Variants in SSX5 observed in about 807,000 individuals in gnomAD.
The protein encoded by SSX5 is SSX family member 5, also known as protein SSX5.
SSX5 carries 14 observed loss-of-function variants against 14.9 expected under a neutral mutation model. The ratio of observed to expected loss-of-function variants is 0.94; its 90% CI spans 0.62 to 1.47. The LOEUF (loss-of-function observed/expected upper bound fraction) is 1.47. SSX5 is among the 40% of genes most tolerant of loss of function. The pLI is 0.00. For missense variants in SSX5, 204 were observed against 154.6 expected (o/e 1.32, Z -1.70); for synonymous variants, 70 against 55.4 (o/e 1.26, Z -1.17).
chrX:48,192,374 G>C, intron 4 of SSX5, 93 bp from the exon 5 acceptor site: 1 of 1,119,480 alleles, frequency 8.9e-7, no homozygotes, highest in Middle Eastern at 3.4e-4. Context: ...TGCAGCAGAG[G>C]TTATGAGTCC....
chrX:48,189,369 C>T (rs148521078), intron 6 of SSX5, among the ~76,000 whole-genome samples: 2 of 97,770 alleles, frequency 2.0e-5, no homozygotes, highest in African/African-American at 3.6e-5. Flanking sequence ...CATTCATGAA[C>T]GGAAGAGCTA....
chrX:48,187,360 T>C (rs1207954945), intron 7 of SSX5, among the ~76,000 whole-genome samples: 1 of 110,455 alleles, frequency 9.1e-6, no homozygotes, highest in Non-Finnish European at 1.9e-5. Flanking sequence ...CTGGGGAGGC[T>C]GAGGCAGGAG....
chrX:48,188,451 C>T (rs1297765120), intron 6 of SSX5, among the ~76,000 whole-genome samples: 3 of 112,205 alleles, frequency 2.7e-5, no homozygotes, highest in South Asian at 7.4e-4. Context: ...ACTATAATCA[C>T]CCTGTTGTAT....
chrX:48,195,075 A>T (rs1569442243), intron 2 of SSX5: 1 of 1,211,464 alleles, frequency 8.3e-7, no homozygotes, highest in Admixed American at 2.2e-5. Context: ...ACCTTCCAGA[A>T]CGGACTGAGA....
intron 6 of SSX5, among the ~76,000 whole-genome samples, chrX:48,189,291 T>G (rs1358252937): frequency 8.9e-6 from 1 of 112,451 alleles, no homozygotes; most frequent in Non-Finnish European, 1.9e-5. Flanking sequence ...GAGCATTGAC[T>G]TCAACTTTGA....
At chrX:48,190,715 T>C (rs2059416588) in intron 5 of SSX5, among the ~76,000 whole-genome samples, 3 of 110,355 alleles carry the variant, frequency 2.7e-5, no homozygotes, top group Non-Finnish European at 5.7e-5. Flanking sequence ...CAAGATGGTG[T>C]GGGGAGATGT....
intron 1 of SSX5, among the ~76,000 whole-genome samples, chrX:48,196,199 C>T (rs1263411024): frequency 2.7e-5 from 3 of 110,825 alleles, no homozygotes; most frequent in African/African-American, 9.9e-5. Flanking sequence ...CCAAGGTGGG[C>T]GGATCACTTG....
chrX:48,190,717 G>C (rs1231078092), intron 5 of SSX5, among the ~76,000 whole-genome samples: 1 of 111,026 alleles, frequency 9.0e-6, no homozygotes, highest in Non-Finnish European at 1.9e-5. Context: ...AGATGGTGTG[G>C]GGAGATGTAT....
chrX:48,194,353 G>A (rs1336397471), intron 3 of SSX5, 129 bp from the exon 4 acceptor site: 2 of 700,731 alleles, frequency 2.9e-6, no homozygotes, highest in South Asian at 2.3e-5. Flanking sequence ...GTTTGAGGCT[G>A]CAGTGAGCTA....
intron 4 of SSX5, among the ~76,000 whole-genome samples, chrX:48,192,910 A>G (rs1310587342): frequency 1.8e-5 from 2 of 112,279 alleles, no homozygotes; most frequent in Non-Finnish European, 3.8e-5. Flanking sequence ...CAGAAGAGCA[A>G]GTAAACACAT....
chrX:48,193,610 G>A (rs1166388985), intron 4 of SSX5, among the ~76,000 whole-genome samples: 2 of 110,771 alleles, frequency 1.8e-5, no homozygotes, highest in African/African-American at 6.6e-5. Context: ...TTAGCTGGGC[G>A]TTTGGGTGGG....
chrX:48,194,647 G>A (rs1372405459), intron 3 of SSX5, 93 bp downstream of exon 3: 13 of 985,343 alleles, frequency 1.3e-5, no homozygotes, highest in South Asian at 2.3e-5. Flanking sequence ...AAAGGAAAAC[G>A]TGGGGTACTT....
At chrX:48,188,435 T>C (rs2059407294) in intron 6 of SSX5, among the ~76,000 whole-genome samples, 1 of 112,371 alleles carries the variant, frequency 8.9e-6, no homozygotes, top group Non-Finnish European at 1.9e-5. Context: ...AATTAAGTTA[T>C]TATTGACTAT....
Position 48,186,434 on chromosome X carries a change from C to A in SSX5, c.*427G>T, listed in dbSNP as rs1569439776. 1.1e-5 allele frequency: 3 copies of A among 268,373 alleles called. No individual in the cohort carries two copies. Among genetic ancestry groups the A allele is most frequent in the Non-Finnish European group, 2.0e-5 (3 of 150,519 alleles). The allele number at this position is 268,373 out of a possible 1,213,427, so 22.1% of individuals were successfully genotyped here. On this transcript the variant is annotated 3_prime_UTR_variant, in exon 8 of 8. Coordinates refer to ENST00000347757, the MANE Select transcript of SSX5 (RefSeq NM_175723.2). ...CGCGCGCGCATGTGTGTCTGTGTGGCATGTGTGTGTGTTTGTGTAAATGCA... is the reference window on the plus strand; with the variant it reads ...CGCGCGCGCATGTGTGTCTGTGTGGAATGTGTGTGTGTTTGTGTAAATGCA...
intron 4 of SSX5, 161 bp from the exon 5 acceptor site, chrX:48,192,442 G>A (rs1356876805): frequency 2.5e-5 from 21 of 839,205 alleles, no homozygotes; most frequent in Non-Finnish European, 3.3e-5. Flanking sequence ...GTCATGGTTG[G>A]TGCATTTATC....
intron 5 of SSX5, 59 bp downstream of exon 5, chrX:48,192,173 G>T (rs1453579735): frequency 5.0e-6 from 6 of 1,200,134 alleles, no homozygotes; most frequent in Non-Finnish European, 6.8e-6. Flanking sequence ...ACTCTTACAG[G>T]GTTCACATTC....
intron 4 of SSX5, among the ~76,000 whole-genome samples, chrX:48,192,569 A>G: frequency 8.9e-6 from 1 of 112,321 alleles, no homozygotes; most frequent in East Asian, 2.8e-4. Context: ...AATTAAATTG[A>G]TTGGTTGGGA....
At position 48,194,872 on chromosome X, in the gene SSX5, A is replaced by G. The variant is rs1556925510; in HGVS notation, c.70-18T>C. The G allele has an allele frequency of 5.8e-6, 7 of 1,198,346 alleles. No homozygotes were observed. The highest frequency in any genetic ancestry group is 5.6e-6 in the Non-Finnish European group (5 of 888,134). On this transcript the variant is annotated intron_variant, in intron 2 of 7. Coordinates refer to ENST00000347757, the MANE Select transcript of SSX5 (RefSeq NM_175723.2). The stretch of plus-strand genomic sequence containing the variant: ...TCGAAGGCCTAGAAAAAAAAAAAGG[A>G]TTTCTGATAGTGACTCAGCTAGGCA...
rs1569439665 is a variant in SSX5 at position 48,186,368 on chromosome X, GTGT to G, written c.*490_*492del. Reference sequence around the variant, plus strand: ...GGAGATGCCTATACTGGTACTTGGTGTGTGTGTGTGTGTGTGTGTGTGTGTGTG... The same window carrying G: ...GGAGATGCCTATACTGGTACTTGGTGGTGTGTGTGTGTGTGTGTGTGTGTG... On this transcript the variant is annotated 3_prime_UTR_variant, in exon 8 of 8. Transcript: ENST00000347757. 0.031 allele frequency: 824 copies of G among 26,277 alleles called. 12 individuals are homozygous for G. The highest frequency in any genetic ancestry group is 0.087 in the African/African-American group (792 of 9,106). 2.2% of individuals were successfully genotyped at this position (26,277 alleles called of 1,213,427 possible).
Sources: allele counts gnomAD v4.1 joint callset (sites outside exome capture counted in the v4.1 genomes callset), GRCh38; gene constraint gnomAD v4.1.1; transcripts MANE v1.5; gene names NCBI Gene and HGNC (gene_info 2026-07-23, HGNC 2026-07-21).